ZNF407: variants seen among roughly 807,000 people sequenced by gnomAD.
ZNF407 encodes the protein zinc finger protein 407.
ZNF407 carries 17 observed loss-of-function variants against 131.2 expected under a neutral mutation model. The ratio of observed to expected loss-of-function variants is 0.13; its 90% CI spans 0.09 to 0.19. The LOEUF (loss-of-function observed/expected upper bound fraction) is 0.19, where lower values mean the gene tolerates loss of function less well. Ranked by LOEUF, ZNF407 falls within the 10% of genes least tolerant of loss-of-function variation. ZNF407 has a pLI of 1.00. For missense variants in ZNF407, 2,681 were observed against 2,830.6 expected, an observed-to-expected ratio of 0.95 and a Z score of 1.20; for synonymous variants, 1,156 against 1,062.0, an observed-to-expected ratio of 1.09 and a Z score of -1.72.
chr18:74,676,676 T>A (rs533588), intron 3 of ZNF407, among the ~76,000 whole-genome samples: 1 of 149,950 alleles, frequency 6.7e-6, no homozygotes, highest in East Asian at 1.9e-4. Flanking sequence ...CCTCGTGATC[T>A]GCCCGCCTTG....
chr18:74,770,340 T>C (rs989012492), intron 3 of ZNF407, among the ~76,000 whole-genome samples: 6 of 152,038 alleles, frequency 3.9e-5, no homozygotes, highest in Non-Finnish European at 8.8e-5. Flanking sequence ...GAAGGCTGCA[T>C]TGAGCCATGA....
chr18:74,612,051 T>C (rs1335855195), intron 1 of ZNF407, among the ~76,000 whole-genome samples: 1 of 152,076 alleles, frequency 6.6e-6, no homozygotes. Context: ...TCCCGTACAG[T>C]AGTGAGATTG....
At chr18:74,612,263 C>T (rs1172423955) in intron 1 of ZNF407, among the ~76,000 whole-genome samples, 5 of 151,950 alleles carry the variant, frequency 3.3e-5, no homozygotes, top group African/African-American at 1.2e-4. Flanking sequence ...ATGCAAGACT[C>T]AAGTCGGTGG....
chr18:74,624,527 G>A (rs1018495903), intron 1 of ZNF407, among the ~76,000 whole-genome samples: 1 of 152,110 alleles, frequency 6.6e-6, no homozygotes, highest in Non-Finnish European at 1.5e-5. Flanking sequence ...AGCTCTTTCT[G>A]CCTTTAGATT....
rs376816145 is a variant in ZNF407 at position 74,714,699 on chromosome 18, A to G, written c.4803-66729A>G. 7.9e-5 allele frequency among the ~76,000 whole-genome samples: 12 copies of G among 152,254 alleles called. No homozygotes were observed. The East Asian group carries it at 1.5e-3, about 20-fold the overall frequency. On this transcript the variant is annotated intron_variant, in intron 3 of 8. Coordinates refer to ENST00000299687, the MANE Select transcript of ZNF407 (RefSeq NM_017757.3). The stretch of plus-strand genomic sequence containing the variant: ...GGTAAAATTTTTTATGATTATTAGT[A>G]TTATCATATGTGGGTTGAACAATAT...
intron 7 of ZNF407, among the ~76,000 whole-genome samples, chr18:74,904,776 T>C (rs1348359742): frequency 6.6e-6 from 1 of 152,194 alleles, no homozygotes; most frequent in East Asian, 1.9e-4. Context: ...TTATTCACAG[T>C]CCTGAAACAG....
chr18:74,676,628 G>A (rs1017851733), intron 3 of ZNF407, among the ~76,000 whole-genome samples: 8 of 151,824 alleles, frequency 5.3e-5, no homozygotes, highest in East Asian at 2.0e-4. Context: ...TAGAGACGGG[G>A]TTTCACCGTG....
chr18:74,988,555 A>G (rs1193961373), intron 8 of ZNF407, among the ~76,000 whole-genome samples: 1 of 151,526 alleles, frequency 6.6e-6, no homozygotes, highest in Non-Finnish European at 1.5e-5. Context: ...GTACTTAAAG[A>G]ACAAATCACC....
chr18:74,777,011 C>T (rs1386830948), intron 3 of ZNF407, among the ~76,000 whole-genome samples: 1 of 152,016 alleles, frequency 6.6e-6, no homozygotes, highest in Non-Finnish European at 1.5e-5. Context: ...GGGAGAAAAT[C>T]GTAGCAGAAG....
intron 3 of ZNF407, among the ~76,000 whole-genome samples, chr18:74,642,593 A>C: frequency 6.6e-6 from 1 of 152,158 alleles, no homozygotes. Flanking sequence ...TTCACAGAAC[A>C]GTTTCTAATG....
At chr18:74,748,859 C>G (rs1168489529) in intron 3 of ZNF407, among the ~76,000 whole-genome samples, 1 of 152,128 alleles carries the variant, frequency 6.6e-6, no homozygotes, top group East Asian at 1.9e-4. Context: ...CTGACAGACA[C>G]GAAAGCCGTT....
At chr18:75,024,771 G>A (rs1287398624) in intron 8 of ZNF407, among the ~76,000 whole-genome samples, 2 of 152,102 alleles carry the variant, frequency 1.3e-5, no homozygotes, top group South Asian at 4.1e-4. Context: ...GCAGATGTAA[G>A]ACATCAAGTT....
At chr18:74,640,668 T>C (rs1032569201) in intron 2 of ZNF407, among the ~76,000 whole-genome samples, 4 of 152,182 alleles carry the variant, frequency 2.6e-5, no homozygotes, top group Non-Finnish European at 4.4e-5. Context: ...TTCTTTGAAG[T>C]GTTGAGTGAC....
chr18:74,801,897 A>G (rs745405467), intron 4 of ZNF407, among the ~76,000 whole-genome samples: 8 of 152,346 alleles, frequency 5.3e-5, no homozygotes, highest in East Asian at 3.9e-4. Flanking sequence ...AGTTCCTTCA[A>G]AATGTTCTGT....
intron 4 of ZNF407, among the ~76,000 whole-genome samples, chr18:74,801,864 T>C (rs1439775827): frequency 1.3e-5 from 2 of 152,214 alleles, no homozygotes; most frequent in Admixed American, 6.5e-5. Context: ...ACAATAAACA[T>C]TCCAGAAATC....
chr18:74,968,397 T>A (rs948752381), intron 8 of ZNF407, among the ~76,000 whole-genome samples: 1 of 152,228 alleles, frequency 6.6e-6, no homozygotes, highest in African/African-American at 2.4e-5. Context: ...TCTGCTTCTC[T>A]TGTTTCTTTT....
At chr18:74,673,357 T>G (rs1986227287) in intron 3 of ZNF407, among the ~76,000 whole-genome samples, 1 of 152,238 alleles carries the variant, frequency 6.6e-6, no homozygotes, top group Non-Finnish European at 1.5e-5. Context: ...GTCCACTTCC[T>G]TGCCCTTTCC....
intron 3 of ZNF407, among the ~76,000 whole-genome samples, chr18:74,746,058 C>T (rs1968661468): frequency 6.6e-6 from 1 of 152,146 alleles, no homozygotes; most frequent in Non-Finnish European, 1.5e-5. Context: ...GATGATAGAG[C>T]CTACCACACA....
intron 4 of ZNF407, among the ~76,000 whole-genome samples, chr18:74,786,248 A>G (rs1296310538): frequency 6.6e-6 from 1 of 152,160 alleles, no homozygotes; most frequent in East Asian, 1.9e-4. Flanking sequence ...TAAGGTAAAT[A>G]CTGTTATCCA....
Sources: gnomAD v4.1 joint callset for allele counts (sites outside exome capture counted in the v4.1 genomes callset) on GRCh38, gnomAD v4.1.1 for gene constraint, MANE v1.5 for transcripts, NCBI Gene and HGNC (gene_info 2026-07-23, HGNC 2026-07-21) for gene names.